The following TOX variants were observed in gnomAD, a reference collection of about 807,000 sequenced individuals.
TOX encodes the protein thymocyte selection-associated high mobility group box protein TOX.
In TOX, 11 loss-of-function variants were observed where a neutral mutation model predicts 53.7. The ratio of observed to expected loss-of-function variants is 0.20; its 90% CI spans 0.13 to 0.34. The LOEUF is 0.34. Among genes scored for constraint, TOX ranks in the 10% least tolerant of loss-of-function variants. TOX has a pLI of 1.00. For missense variants in TOX, 570 were observed against 664.6 expected, an observed-to-expected ratio of 0.86 and a Z score of 1.56; for synonymous variants, 225 against 245.3, an observed-to-expected ratio of 0.92 and a Z score of 0.77.
intron 1 of TOX, among the ~76,000 whole-genome samples, chr8:59,072,672 T>C (rs1273066966): frequency 6.6e-6 from 1 of 152,204 alleles, no homozygotes; most frequent in Non-Finnish European, 1.5e-5. Flanking sequence ...CCAGCTGTGG[T>C]ATCTTACATT....
At chr8:58,923,645 CT>C (rs1812110123) in intron 3 of TOX, among the ~76,000 whole-genome samples, 1 of 152,146 alleles carries the variant, frequency 6.6e-6, no homozygotes, top group Non-Finnish European at 1.5e-5. Flanking sequence ...GAGAGTGATG[CT>C]TTAAACTGTT....
At chr8:58,998,493 GTATATA>G (rs61434586) in intron 1 of TOX, among the ~76,000 whole-genome samples, 28 of 63,608 alleles carry the variant, frequency 4.4e-4, no homozygotes, top group East Asian at 9.6e-4. Context: ...CATCTCAAAA[GTATATA>G]TATATATATA....
At chr8:59,049,845 T>A (rs1447393702) in intron 1 of TOX, among the ~76,000 whole-genome samples, 2 of 152,144 alleles carry the variant, frequency 1.3e-5, no homozygotes, top group East Asian at 3.8e-4. Context: ...AATATGAGTA[T>A]TTAGAAAGTT....
intron 4 of TOX, among the ~76,000 whole-genome samples, chr8:58,843,383 T>C (rs978403902): frequency 1.3e-5 from 2 of 152,192 alleles, no homozygotes; most frequent in African/African-American, 2.4e-5. Flanking sequence ...ATTTATAAAA[T>C]TGCCCTTGTA....
At chr8:59,002,485 G>A (rs1333315848) in intron 1 of TOX, among the ~76,000 whole-genome samples, 4 of 150,954 alleles carry the variant, frequency 2.6e-5, no homozygotes, top group Non-Finnish European at 4.4e-5. Flanking sequence ...CCTGCTCCTC[G>A]GGAGGCTGAG....
At chr8:59,006,018 A>AG (rs1813785683) in intron 1 of TOX, among the ~76,000 whole-genome samples, 1 of 152,226 alleles carries the variant, frequency 6.6e-6, no homozygotes, top group Non-Finnish European at 1.5e-5. Context: ...ATGTGCACAC[A>AG]GGATCATGTA....
intron 1 of TOX, among the ~76,000 whole-genome samples, chr8:58,996,371 A>G (rs951499198): frequency 6.6e-6 from 1 of 152,238 alleles, no homozygotes; most frequent in Non-Finnish European, 1.5e-5. Flanking sequence ...ATTTCAGAGA[A>G]GCATCAAACC....
chr8:58,848,679 C>A (rs1810759778), intron 4 of TOX, among the ~76,000 whole-genome samples: 1 of 152,068 alleles, frequency 6.6e-6, no homozygotes, highest in Admixed American at 6.6e-5. Context: ...GTTTGTATTT[C>A]TTTGATGCTT....
At chr8:58,934,683 G>A (rs1162309018) in intron 3 of TOX, among the ~76,000 whole-genome samples, 4 of 152,180 alleles carry the variant, frequency 2.6e-5, no homozygotes, top group Admixed American at 6.6e-5. Flanking sequence ...TTTGACAGAT[G>A]TGAAGATTCA....
intron 1 of TOX, among the ~76,000 whole-genome samples, chr8:59,091,015 C>T (rs1003344703): frequency 1.3e-5 from 2 of 152,234 alleles, no homozygotes; most frequent in African/African-American, 2.4e-5. Flanking sequence ...CCTTCTCCAG[C>T]GGCGTTGTCC....
At chr8:58,831,943 G>A (rs564590617) in intron 5 of TOX, among the ~76,000 whole-genome samples, 3 of 152,056 alleles carry the variant, frequency 2.0e-5, no homozygotes, top group South Asian at 4.1e-4. Context: ...CAGACTTGAA[G>A]GAGTATTATG....
intron 2 of TOX, 49 bp from the exon 3 acceptor site, chr8:58,939,593 C>A: frequency 6.4e-7 from 1 of 1,556,396 alleles, no homozygotes; most frequent in South Asian, 1.2e-5. Flanking sequence ...TCTTCTTGCT[C>A]TTCATCATCA....
Position 58,939,335 on chromosome 8 carries a change from C to G in TOX, c.378G>C (p.Gln126His). 2.5e-6 allele frequency: 4 copies of G among 1,614,078 alleles called. No homozygotes were observed. The highest frequency in any genetic ancestry group is 3.4e-6 in the Non-Finnish European group (4 of 1,180,004). Residue 126 changes from glutamine (Q) to histidine (H), a missense_variant, in exon 3 of 9, where the codon CAG (glutamine) becomes CAC (histidine). Around this residue, in one of 3 missense-constraint regions of TOX, gnomAD observed 282 missense variants for 315.0 expected, o/e 0.90. Transcript: ENST00000361421. ...TGGAATTAGAAAGCAGTGTTCCATC[C>G]TGGCCCAGCATATTGGAGACTGTGA... ...PEITVSNMLG[Q>H]DGTLLSNSIS...
intron 1 of TOX, among the ~76,000 whole-genome samples, chr8:58,978,562 G>C (rs1813147273): frequency 6.6e-6 from 1 of 151,654 alleles, no homozygotes; most frequent in Non-Finnish European, 1.5e-5. Flanking sequence ...TTTTACAATA[G>C]CATATTGGTT....
At chr8:59,089,165 G>A (rs118152445) in intron 1 of TOX, among the ~76,000 whole-genome samples, 14 of 152,144 alleles carry the variant, frequency 9.2e-5, no homozygotes, top group Admixed American at 5.2e-4. Context: ...TATTTGTTTC[G>A]GGCATAGCAC....
At chr8:58,943,490 C>T (rs558838880) in intron 2 of TOX, among the ~76,000 whole-genome samples, 1 of 152,052 alleles carries the variant, frequency 6.6e-6, no homozygotes, top group African/African-American at 2.4e-5. Flanking sequence ...TCCCTCAAGA[C>T]TCAGTGAGGC....
chr8:58,894,594 G>A (rs1385306717), intron 3 of TOX, among the ~76,000 whole-genome samples: 1 of 152,092 alleles, frequency 6.6e-6, no homozygotes, highest in Non-Finnish European at 1.5e-5. Context: ...TAACAATTCT[G>A]GTTATTCTGG....
At chr8:58,895,738 A>G (rs1320173944) in intron 3 of TOX, among the ~76,000 whole-genome samples, 1 of 152,202 alleles carries the variant, frequency 6.6e-6, no homozygotes, top group Non-Finnish European at 1.5e-5. Context: ...TCTGCATAAC[A>G]CAGCAAATTC....
chr8:58,907,955 C>T (rs982290343), intron 3 of TOX, among the ~76,000 whole-genome samples: 5 of 152,116 alleles, frequency 3.3e-5, no homozygotes, highest in African/African-American at 4.8e-5. Context: ...TCTTAAGTTT[C>T]GGTGTACGTG....
Sources: gnomAD v4.1 joint callset for allele counts (sites outside exome capture counted in the v4.1 genomes callset) on GRCh38, gnomAD v4.1.1 for gene constraint, gnomAD v4.1.1 regional missense constraint, MANE v1.5 for transcripts, NCBI Gene and HGNC (gene_info 2026-07-23, HGNC 2026-07-21) for gene names.